EXOSC7: variants seen among roughly 807,000 people sequenced by gnomAD.
EXOSC7 encodes exosome complex component RRP42.
A neutral mutation model predicts 34.3 loss-of-function variants in EXOSC7; 25 were observed. The observed-to-expected ratio is 0.73, with a 90% CI of 0.53 to 1.02. EXOSC7 has a LOEUF of 1.02. Ranked by LOEUF, EXOSC7 falls within the 50% of genes least tolerant of loss-of-function variation. The pLI is 0.00. For missense variants in EXOSC7, 370 were observed against 368.5 expected, an observed-to-expected ratio of 1.00 and a Z score of -0.03; for synonymous variants, 130 against 143.0, an observed-to-expected ratio of 0.91 and a Z score of 0.65.
chr3:44,985,410 G>A (rs1036403217), intron 1 of EXOSC7, among the ~76,000 whole-genome samples: 21 of 150,590 alleles, frequency 1.4e-4, no homozygotes, highest in Admixed American at 6.0e-4. Context: ...TCTTAAAGGC[G>A]GCGTGTCCGG....
intron 7 of EXOSC7, among the ~76,000 whole-genome samples, chr3:45,010,889 G>A (rs1425659749): frequency 6.6e-6 from 1 of 152,178 alleles, no homozygotes; most frequent in Non-Finnish European, 1.5e-5. Flanking sequence ...CTGTACCCAA[G>A]CCCAGATTTG....
intron 6 of EXOSC7, among the ~76,000 whole-genome samples, chr3:45,006,068 CTTTTTTTTTTTTTT>C (rs34869939): frequency 1.9e-4 from 9 of 47,252 alleles, no homozygotes; most frequent in Admixed American, 3.4e-4. Flanking sequence ...TGGGTCTTGG[CTTTTTTTTTTTTTT>C]TTTTTTTTTT....
At chr3:45,000,560 G>A (rs113287899) in intron 4 of EXOSC7, among the ~76,000 whole-genome samples, 162 of 152,332 alleles carry the variant, frequency 1.1e-3, no homozygotes, top group African/African-American at 3.8e-3. Context: ...TGCTAGATGA[G>A]CATACGTAAG....
At chr3:45,009,466 T>C (rs1386131622) in intron 7 of EXOSC7, among the ~76,000 whole-genome samples, 1 of 152,126 alleles carries the variant, frequency 6.6e-6, no homozygotes, top group African/African-American at 2.4e-5. Context: ...CTCCCCACCC[T>C]CATGTATATG....
intron 6 of EXOSC7, among the ~76,000 whole-genome samples, chr3:45,006,161 T>C (rs1262120490): frequency 2.4e-5 from 3 of 125,936 alleles, no homozygotes; most frequent in Non-Finnish European, 4.7e-5. Flanking sequence ...CACTGCAACC[T>C]CCGCCTCCCA....
intron 4 of EXOSC7, among the ~76,000 whole-genome samples, chr3:44,999,785 G>A (rs1364456696): frequency 6.6e-6 from 1 of 152,032 alleles, no homozygotes; most frequent in Non-Finnish European, 1.5e-5. Context: ...TCCATTTTTT[G>A]GCATTCACAT....
chr3:45,009,848 C>T (rs190319465), intron 7 of EXOSC7, among the ~76,000 whole-genome samples: 36 of 152,234 alleles, frequency 2.4e-4, no homozygotes, highest in Middle Eastern at 3.4e-3. Context: ...ATCCAGCCCC[C>T]GAAGGCCTTT....
intron 4 of EXOSC7, among the ~76,000 whole-genome samples, chr3:44,998,838 T>C (rs769874331): frequency 6.6e-6 from 1 of 152,106 alleles, no homozygotes. Context: ...AGGTCCTGGG[T>C]TTGAGAAGGT....
rs535696548 is a variant in EXOSC7, at chr3:45,010,307, G to A, written c.772-928G>A. Reference sequence around the variant, plus strand: ...CTGTTATCCAGGCTGGAGTACAGTGGCACAGTCACAGCTCACTGCAGCCGT... The same window carrying A: ...CTGTTATCCAGGCTGGAGTACAGTGACACAGTCACAGCTCACTGCAGCCGT... On this transcript the variant is annotated intron_variant, in intron 7 of 7. Coordinates refer to ENST00000265564, the MANE Select transcript of EXOSC7 (RefSeq NM_015004.4). 9.2e-4 allele frequency among the ~76,000 whole-genome samples: 140 copies of A among 152,262 alleles called. 1 individual carries two copies. The highest frequency in any genetic ancestry group is 2.5e-3 in the African/African-American group (105 of 41,536).
intron 5 of EXOSC7, among the ~76,000 whole-genome samples, chr3:45,002,914 T>A (rs1345084807): frequency 6.6e-6 from 1 of 152,162 alleles, no homozygotes. Context: ...GCTCGGGCCC[T>A]GTTGGGGAAG....
intron 1 of EXOSC7, among the ~76,000 whole-genome samples, chr3:44,987,927 T>C (rs553796877): frequency 6.6e-6 from 1 of 152,250 alleles, no homozygotes; most frequent in African/African-American, 2.4e-5. Flanking sequence ...TATGAACTCT[T>C]GGCTTTTTAA....
intron 1 of EXOSC7, among the ~76,000 whole-genome samples, chr3:44,980,117 AG>A (rs1197768227): frequency 6.6e-6 from 1 of 151,864 alleles, no homozygotes; most frequent in Non-Finnish European, 1.5e-5. Flanking sequence ...AGTCTTCGAT[AG>A]ATGCAGGCAC....
chr3:44,989,021 T>G lies in EXOSC7; in HGVS notation c.58-119T>G, dbSNP rs1706494695. 21 of 630,694 alleles carry G rather than the reference T, an allele frequency of 3.3e-5. No homozygotes were observed. The South Asian group carries it at 4.2e-4, about 12-fold the overall frequency. 39.1% of individuals were successfully genotyped at this position (630,694 alleles called of 1,614,324 possible). A position where few individuals can be genotyped will look rare whatever the true frequency, so the allele number is the denominator to read the frequency against. Reference sequence around the variant, plus strand: ...GCTACAAGGACAGAATTTTAGATGATCCACTAAGAGGAAAAGAGATATTCT... The same window carrying G: ...GCTACAAGGACAGAATTTTAGATGAGCCACTAAGAGGAAAAGAGATATTCT... On this transcript the variant is annotated intron_variant, in intron 1 of 7. Coordinates refer to ENST00000265564, the MANE Select transcript of EXOSC7 (RefSeq NM_015004.4).
chr3:45,004,532 AG>A (rs1162062402), intron 5 of EXOSC7: 2 of 146,372 alleles, frequency 1.4e-5, no homozygotes, highest in Non-Finnish European at 3.0e-5. Context: ...CTGGGATTAC[AG>A]GCATGAGCCA....
intron 3 of EXOSC7, among the ~76,000 whole-genome samples, chr3:44,994,652 C>T (rs1483930142): frequency 6.6e-6 from 1 of 152,146 alleles, no homozygotes; most frequent in Non-Finnish European, 1.5e-5. Context: ...CACACATCAG[C>T]AGAATATGGG....
At chr3:44,989,276 A>C in intron 2 of EXOSC7, 35 bp downstream of exon 2, 1 of 1,441,610 alleles carries the variant, frequency 6.9e-7, no homozygotes. Context: ...GCCCAGGTGG[A>C]GAAATGAGTA....
At chr3:44,979,298 C>T (rs1385506763) in intron 1 of EXOSC7, among the ~76,000 whole-genome samples, 1 of 152,208 alleles carries the variant, frequency 6.6e-6, no homozygotes. Context: ...CAGTGCCTGC[C>T]TGAACTCCTG....
At chr3:44,977,418 G>C (rs1205399287) in intron 1 of EXOSC7, 1 of 152,150 alleles carries the variant, frequency 6.6e-6, no homozygotes, top group East Asian at 1.9e-4. Flanking sequence ...GTCCCACAAC[G>C]TGAGTTAAGG....
At chr3:44,988,941 C>T (rs1051063894) in intron 1 of EXOSC7, among the ~76,000 whole-genome samples, 199 bp from the exon 2 acceptor site, 10 of 152,172 alleles carry the variant, frequency 6.6e-5, no homozygotes, top group Admixed American at 2.0e-4. Context: ...GGACAAGTCG[C>T]TCAACTTCTC....
Sources: allele counts gnomAD v4.1 joint callset (sites outside exome capture counted in the v4.1 genomes callset), GRCh38; gene constraint gnomAD v4.1.1; transcripts MANE v1.5; gene names NCBI Gene and HGNC (gene_info 2026-07-23, HGNC 2026-07-21).